Variants in CDC40 observed in about 807,000 individuals in gnomAD.
The protein encoded by CDC40 is cell division cycle 40.
CDC40 carries 27 observed loss-of-function variants against 80.6 expected under a neutral mutation model. The observed-to-expected ratio is 0.33, with a 90% confidence interval of 0.25 to 0.46. The LOEUF is 0.46. Ranked by LOEUF, CDC40 falls within the 20% of genes least tolerant of loss-of-function variation. The pLI, the probability that CDC40 is intolerant of heterozygous loss-of-function variation, is 1.00. For synonymous variants in CDC40, 221 were observed against 232.6 expected (o/e 0.95, Z 0.45); for missense variants, 486 against 694.1 (o/e 0.70, Z 3.37).
At chr6:110,207,647 T>C (rs1028388775) in intron 4 of CDC40, 58 bp downstream of exon 4, 3 of 923,942 alleles carry the variant, frequency 3.2e-6, no homozygotes, top group Non-Finnish European at 5.3e-6. Flanking sequence ...ATTAGTGTCT[T>C]GCAGAGTGAC....
Position 110,215,267 on chromosome 6 carries a change from TG to T in CDC40, c.943-18del. On this transcript the variant is annotated intron_variant, in intron 8 of 14. Coordinates refer to ENST00000307731, the MANE Select transcript of CDC40 (RefSeq NM_015891.3). ...TATTAAATGTAATATTTCCATGTGT[TG>T]TTTTTTTTCTCCCCCAGCTATGGGA... 6.2e-7 allele frequency: 1 copy of T among 1,605,116 alleles called. No individual in the cohort carries two copies. The highest frequency in any genetic ancestry group is 8.5e-7 in the Non-Finnish European group (1 of 1,171,864).
At chr6:110,209,714 C>T (rs1024094064) in intron 5 of CDC40, among the ~76,000 whole-genome samples, 2 of 152,118 alleles carry the variant, frequency 1.3e-5, no homozygotes, top group African/African-American at 4.8e-5. Context: ...CTCACTGTCT[C>T]CATGAGCCAG....
At chr6:110,180,656 C>T (rs778793362) in intron 1 of CDC40, 23 bp downstream of exon 1, 2 of 1,575,724 alleles carry the variant, frequency 1.3e-6, no homozygotes, top group African/African-American at 1.3e-5. Flanking sequence ...GCTACTAATG[C>T]AGTGTGGGAA....
At chr6:110,217,669 C>T (rs374331897) in intron 9 of CDC40, 33 bp from the exon 10 acceptor site, 1 of 923,108 alleles carries the variant, frequency 1.1e-6, no homozygotes, top group Admixed American at 1.7e-5. Flanking sequence ...TGATACTTCA[C>T]CTCATTGCTG....
chr6:110,206,044 G>C (rs895153309), intron 3 of CDC40, among the ~76,000 whole-genome samples: 1 of 152,116 alleles, frequency 6.6e-6, no homozygotes, highest in African/African-American at 2.4e-5. Context: ...ATATCATGAG[G>C]GTGAGTTCAG....
chr6:110,215,380 TAA>T, intron 9 of CDC40, 49 bp downstream of exon 9: 1 of 1,383,750 alleles, frequency 7.2e-7, no homozygotes, highest in Non-Finnish European at 1.0e-6. Context: ...ATTTTTAAAG[TAA>T]GATAACATCA....
Position 110,210,804 on chromosome 6 carries a change from G to T in CDC40, c.727+1G>T. On this transcript the variant is annotated splice_donor_variant, in intron 6 of 14. Coordinates refer to ENST00000307731, the MANE Select transcript of CDC40 (RefSeq NM_015891.3). LOFTEE classifies it high-confidence loss of function. Reference sequence around the variant, plus strand: ...GGGGAGGAGAAGACAATCTTACATGGTAACATATTTTTTGTACATCTTCAT... The same window carrying T: ...GGGGAGGAGAAGACAATCTTACATGTTAACATATTTTTTGTACATCTTCAT... 1 of 1,489,916 alleles carries T rather than the reference G, an allele frequency of 6.7e-7. No homozygotes were observed. The highest frequency in any genetic ancestry group is 9.0e-7 in the Non-Finnish European group (1 of 1,110,298). 92.3% of individuals were successfully genotyped at this position (1,489,916 alleles called of 1,614,324 possible).
rs1253033009 is a variant in CDC40 at position 110,212,072 on chromosome 6, G to A, written c.728-61G>A. 2.9e-6 allele frequency: 4 copies of A among 1,397,846 alleles called. No individual in the cohort carries two copies. In the East Asian group the frequency reaches 9.2e-5, roughly 32 times the overall value. 86.6% of individuals were successfully genotyped at this position (1,397,846 alleles called of 1,614,324 possible). ...GTGAATAAAATGTTATTTTAAGAATGTTAGGTTTCATGACTATGGGTTGTA... is the reference window on the plus strand; with the variant it reads ...GTGAATAAAATGTTATTTTAAGAATATTAGGTTTCATGACTATGGGTTGTA... On this transcript the variant is annotated intron_variant, in intron 6 of 14. Coordinates refer to ENST00000307731, the MANE Select transcript of CDC40 (RefSeq NM_015891.3).
Position 110,229,984 on chromosome 6 carries a change from A to G in CDC40, c.1593A>G (p.Lys531=). The change falls in exon 15 of 15, where the codon AAA becomes AAG. Residue 531 remains lysine, a synonymous_variant. Coordinates refer to ENST00000307731, the MANE Select transcript of CDC40 (RefSeq NM_015891.3). ...SYVISGDGNG[K]LNIWDWKTTK... ...TGATTTCAGGAGATGGAAATGGAAA[A>G]TTAAACATTTGGGACTGGAAGACCA... 1 of 1,610,922 alleles carries G rather than the reference A, an allele frequency of 6.2e-7. No homozygotes were observed. The highest frequency in any genetic ancestry group is 8.5e-7 in the Non-Finnish European group (1 of 1,177,598).
Position 110,232,115 on chromosome 6 carries a change from A to C in CDC40, c.*1984A>C, listed in dbSNP as rs1428320791. On this transcript the variant is annotated 3_prime_UTR_variant, in exon 15 of 15. Coordinates refer to ENST00000307731, the MANE Select transcript of CDC40 (RefSeq NM_015891.3). ...GTATGTTACAAATCATCATTTCTAA[A>C]TCTGGATTGATTCTGTTGTGTTTTT... is the stretch of plus-strand genomic sequence containing the variant. 6.6e-6 allele frequency: 1 copy of C among 152,404 alleles called. No homozygotes were observed. Among genetic ancestry groups the C allele is most frequent in the East Asian group, 1.9e-4 (1 of 5,186 alleles). The allele number at this position is 152,404 out of a possible 1,614,324, so 9.4% of individuals were successfully genotyped here.
Position 110,212,179 on chromosome 6 carries a change from T to G in CDC40, c.774T>G (p.Pro258=). The change falls in exon 7 of 15, where the codon CCT becomes CCG. Residue 258 remains proline, a synonymous_variant. Transcript: ENST00000307731. Reference sequence around the variant, plus strand: ...AAGGCAGGTCCTATCTTCACATACCTCAGGATGTTGGTGTTAATCTACGGT... The same window carrying G: ...AAGGCAGGTCCTATCTTCACATACCGCAGGATGTTGGTGTTAATCTACGGT... ...DYQGRSYLHI[P]QDVGVNLRST... is the part of the protein sequence containing the mutation. 1 of 1,613,286 alleles carries G rather than the reference T, an allele frequency of 6.2e-7. No homozygotes were observed. Among genetic ancestry groups the G allele is most frequent in the Non-Finnish European group, 8.5e-7 (1 of 1,179,242 alleles).
intron 2 of CDC40, among the ~76,000 whole-genome samples, chr6:110,198,238 T>A (rs1477658945): frequency 6.6e-6 from 1 of 151,224 alleles, no homozygotes; most frequent in Non-Finnish European, 1.5e-5. Flanking sequence ...AGTGCAGTGG[T>A]GTGATCTCAG....
intron 12 of CDC40, among the ~76,000 whole-genome samples, chr6:110,225,956 T>C (rs1013731234): frequency 6.6e-6 from 1 of 152,234 alleles, no homozygotes; most frequent in Non-Finnish European, 1.5e-5. Flanking sequence ...ATAATGATCA[T>C]GGAAAGTGAT....
intron 13 of CDC40, among the ~76,000 whole-genome samples, chr6:110,226,708 C>T (rs974605645): frequency 7.9e-5 from 12 of 152,000 alleles, no homozygotes; most frequent in African/African-American, 2.2e-4. Flanking sequence ...CCACTATGCC[C>T]GGCCAGAGTT....
intron 12 of CDC40, among the ~76,000 whole-genome samples, chr6:110,221,865 CT>C (rs200106149): frequency 0.15 from 17,896 of 121,116 alleles, 1,155 homozygotes; most frequent in African/African-American, 0.28. Flanking sequence ...TAGTATGTTT[CT>C]TTTTTTTTTT....
intron 13 of CDC40, among the ~76,000 whole-genome samples, chr6:110,226,503 T>A (rs1195046935): frequency 6.6e-6 from 1 of 152,196 alleles, no homozygotes; most frequent in Non-Finnish European, 1.5e-5. Flanking sequence ...ATCAGATTTT[T>A]ATTTAACAAT....
Position 110,212,188 on chromosome 6 carries a change from T to G in CDC40, c.783T>G (p.Val261=), listed in dbSNP as rs1777645595. 6.2e-7 allele frequency: 1 copy of G among 1,613,120 alleles called. No homozygotes were observed. Among genetic ancestry groups the G allele is most frequent in the Admixed American group, 1.7e-5 (1 of 60,026 alleles). Residue 261 remains valine (V), a synonymous_variant, in exon 7 of 15, where the codon GTT becomes GTG. Transcript: ENST00000307731. ...CCTATCTTCACATACCTCAGGATGT[T>G]GGTGTTAATCTACGGTCAACTATGC... ...GRSYLHIPQD[V]GVNLRSTMPP... is the part of the protein sequence containing the mutation.
In CDC40 at chr6:110,213,083, T is replaced by C. The variant is rs780674391; in HGVS notation, c.868-3T>C. The C allele has an allele frequency of 1.9e-6, 3 of 1,592,666 alleles. No homozygotes were observed. The South Asian group carries it at 3.3e-5, about 18-fold the overall frequency. On this transcript the variant is annotated splice_region_variant and splice_polypyrimidine_tract_variant and intron_variant, in intron 7 of 14. Coordinates refer to ENST00000307731, the MANE Select transcript of CDC40 (RefSeq NM_015891.3). ...GGTTGATAACTGTAATACCTTTTTA[T>C]AGGGCGTCAGTGCAGTCAGATTGTT... is the stretch of plus-strand genomic sequence containing the variant.
intron 3 of CDC40, among the ~76,000 whole-genome samples, chr6:110,202,391 T>G (rs1224227550): frequency 1.3e-5 from 2 of 152,184 alleles, no homozygotes; most frequent in African/African-American, 2.4e-5. Context: ...ATTGCTTGTA[T>G]AAGGGGTCCC....
Sources: allele counts gnomAD v4.1 joint callset (sites outside exome capture counted in the v4.1 genomes callset), GRCh38; gene constraint gnomAD v4.1.1; transcripts MANE v1.5; gene names NCBI Gene and HGNC (gene_info 2026-07-23, HGNC 2026-07-21).